Variants in INPP5A observed in about 807,000 individuals in gnomAD.
INPP5A encodes 43 kDa inositol polyphosphate 5-phophatase.
In INPP5A, 14 loss-of-function variants were observed where a neutral mutation model predicts 65.2. That is an observed-to-expected ratio of 0.21 (90% CI 0.14 to 0.34). INPP5A has a LOEUF of 0.34. INPP5A is among the 10% of genes least tolerant of loss of function. The pLI is 1.00. For missense variants in INPP5A, 431 were observed against 545.6 expected (o/e 0.79, Z 2.09); for synonymous variants, 207 against 208.3 (o/e 0.99, Z 0.05).
chr10:132,780,404 A>G (rs1316112035), intron 13 of INPP5A, among the ~76,000 whole-genome samples: 1 of 152,248 alleles, frequency 6.6e-6, no homozygotes, highest in Admixed American at 6.5e-5. Flanking sequence ...AAACAAATCA[A>G]AGTGGGAAGA....
chr10:132,647,448 C>T (rs368890851), intron 3 of INPP5A, among the ~76,000 whole-genome samples: 4 of 152,258 alleles, frequency 2.6e-5, no homozygotes, highest in Non-Finnish European at 4.4e-5. Flanking sequence ...AAAATCTTAG[C>T]GGCATTTTTC....
In INPP5A at chr10:132,698,497, C is replaced by T. The variant is rs759796598; in HGVS notation, c.474+578C>T. Among the ~76,000 whole-genome samples the T allele has an allele frequency of 3.3e-5, 5 of 152,246 alleles. No individual in the cohort carries two copies. Among genetic ancestry groups the T allele is most frequent in the Admixed American group, 6.5e-5 (1 of 15,288 alleles). On this transcript the variant is annotated intron_variant, in intron 6 of 15. Transcript: ENST00000368594. The surrounding 1 kb of genome is among the most constrained non-coding windows in gnomAD (Gnocchi z 5.5). Reference sequence around the variant, plus strand: ...ATGAGAAATTGGTGTTTCCTTCTGGCGGCCATGCACTTTGCTGAGCTGTGT... The same window carrying T: ...ATGAGAAATTGGTGTTTCCTTCTGGTGGCCATGCACTTTGCTGAGCTGTGT...
rs988036493 is a variant in INPP5A, at chr10:132,663,859, C to T, written c.306+13354C>T. Among the ~76,000 whole-genome samples, 18 of 152,202 alleles carry T rather than the reference C, an allele frequency of 1.2e-4. No homozygotes were observed. Among genetic ancestry groups the T allele is most frequent in the Non-Finnish European group, 2.2e-4 (15 of 68,036 alleles). The stretch of plus-strand genomic sequence containing the variant: ...CACATCATTCCTCTCCCCCTGTCGC[C>T]GGGTGGGAAATCCGTAACAGGCTCT... On this transcript the variant is annotated intron_variant, in intron 4 of 15. Coordinates refer to ENST00000368594, the MANE Select transcript of INPP5A (RefSeq NM_005539.5). The surrounding 1 kb of genome is among the most constrained non-coding windows in gnomAD (Gnocchi z 4.5).
chr10:132,679,892 T>C (rs2073019799), intron 4 of INPP5A, among the ~76,000 whole-genome samples: 1 of 152,188 alleles, frequency 6.6e-6, no homozygotes, highest in Non-Finnish European at 1.5e-5. Context: ...CAGCCAGTGG[T>C]GCTGGGACGC....
intron 8 of INPP5A, among the ~76,000 whole-genome samples, chr10:132,719,175 C>G (rs183992515): frequency 7.3e-6 from 1 of 137,186 alleles, no homozygotes; most frequent in Non-Finnish European, 1.6e-5. Context: ...GGCTGTCTTG[C>G]GGGTTCTGTG....
intron 12 of INPP5A, among the ~76,000 whole-genome samples, chr10:132,776,861 G>C (rs948492914): frequency 1.3e-5 from 2 of 152,176 alleles, no homozygotes; most frequent in African/African-American, 2.4e-5. Flanking sequence ...GCTGGTGGGG[G>C]AGTGATCAGT....
chr10:132,730,401 G>C (rs936621767), intron 9 of INPP5A, among the ~76,000 whole-genome samples: 1 of 152,246 alleles, frequency 6.6e-6, no homozygotes, highest in African/African-American at 2.4e-5. Flanking sequence ...CCGGGGCTGC[G>C]TGGGCAGCGC....
At chr10:132,626,042 C>T (rs1241670431) in intron 2 of INPP5A, among the ~76,000 whole-genome samples, 9 of 152,228 alleles carry the variant, frequency 5.9e-5, no homozygotes, top group South Asian at 2.1e-4. Context: ...CCTGCTGCCC[C>T]GCCCCTCGGG....
chr10:132,666,259 G>A (rs898639336), intron 4 of INPP5A, among the ~76,000 whole-genome samples: 4 of 152,094 alleles, frequency 2.6e-5, no homozygotes, highest in Non-Finnish European at 4.4e-5. Context: ...TGTTTAAACC[G>A]ACAGAAAGGG....
At chr10:132,722,090 T>G (rs574493546) in intron 8 of INPP5A, among the ~76,000 whole-genome samples, 1 of 152,226 alleles carries the variant, frequency 6.6e-6, no homozygotes, top group South Asian at 2.1e-4. Context: ...AGCGATTAAC[T>G]AAAATATTCT....
intron 2 of INPP5A, among the ~76,000 whole-genome samples, chr10:132,620,221 C>T (rs758036582): frequency 2.6e-5 from 4 of 152,224 alleles, no homozygotes; most frequent in Non-Finnish European, 5.9e-5. Flanking sequence ...GTCATTGTCT[C>T]GTCTGTTGGC....
chr10:132,677,542 A>C (rs1432526509), intron 4 of INPP5A, among the ~76,000 whole-genome samples: 2 of 152,240 alleles, frequency 1.3e-5, no homozygotes, highest in African/African-American at 2.4e-5. Flanking sequence ...GCGAGAAGCC[A>C]GGACTGCTGG....
chr10:132,709,931 T>C (rs761291401), intron 7 of INPP5A, among the ~76,000 whole-genome samples: 1 of 152,206 alleles, frequency 6.6e-6, no homozygotes, highest in Non-Finnish European at 1.5e-5. Flanking sequence ...AGCACTCTTC[T>C]TGCCTGTCCC....
chr10:132,760,530 G>A (rs1846714071), intron 11 of INPP5A, among the ~76,000 whole-genome samples: 1 of 152,244 alleles, frequency 6.6e-6, no homozygotes, highest in Non-Finnish European at 1.5e-5. Flanking sequence ...CACTGCAGAA[G>A]GTTGGAGGAA....
intron 13 of INPP5A, among the ~76,000 whole-genome samples, chr10:132,779,172 T>C (rs541550949): frequency 2.2e-4 from 33 of 152,342 alleles, no homozygotes; most frequent in African/African-American, 7.2e-4. Flanking sequence ...TTGAGGAAAG[T>C]GTGCTGGCCA....
chr10:132,763,128 G>A (rs1366203397), intron 11 of INPP5A, among the ~76,000 whole-genome samples: 1 of 152,228 alleles, frequency 6.6e-6, no homozygotes, highest in East Asian at 1.9e-4. Flanking sequence ...CTCGAAACAT[G>A]TTGTATCATA....
At chr10:132,615,498 G>GGCT (rs1445747417) in intron 2 of INPP5A, among the ~76,000 whole-genome samples, 1 of 152,232 alleles carries the variant, frequency 6.6e-6, no homozygotes, top group African/African-American at 2.4e-5. Flanking sequence ...TGGAGGAAGT[G>GGCT]GCTGCTGGGT....
intron 12 of INPP5A, among the ~76,000 whole-genome samples, chr10:132,776,219 C>T (rs1341802095): frequency 6.6e-6 from 1 of 152,224 alleles, no homozygotes; most frequent in African/African-American, 2.4e-5. Flanking sequence ...ATGCATGACA[C>T]GCAGGCCCTG....
In INPP5A at chr10:132,550,706, GGAAACA is replaced by G. The variant is rs1377827343; in HGVS notation, c.75+12536_75+12541del. 6.6e-6 allele frequency among the ~76,000 whole-genome samples: 1 copy of G among 152,214 alleles called. No homozygotes were observed. Among genetic ancestry groups the G allele is most frequent in the Non-Finnish European group, 1.5e-5 (1 of 68,042 alleles). On this transcript the variant is annotated intron_variant, in intron 1 of 15. Coordinates refer to ENST00000368594, the MANE Select transcript of INPP5A (RefSeq NM_005539.5). This position sits in a 1 kb window ranked among gnomAD's most constrained non-coding sequence, Gnocchi z 4.2. ...TGGCTATTTCACTATTAAAACAAGT[GGAAACA>G]CTAGTTTGGTCCCGCCTGACCTCAT... is the stretch of plus-strand genomic sequence containing the variant.
Sources: gnomAD v4.1 joint callset for allele counts (sites outside exome capture counted in the v4.1 genomes callset) on GRCh38, gnomAD v4.1.1 for gene constraint, Gnocchi (gnomAD v3.1) non-coding constraint, MANE v1.5 for transcripts, NCBI Gene and HGNC (gene_info 2026-07-23, HGNC 2026-07-21) for gene names.